GRHL2: variants seen among roughly 807,000 people sequenced by gnomAD.
GRHL2 encodes the protein grainyhead-like protein 2 homolog.
A neutral mutation model predicts 83.8 loss-of-function variants in GRHL2; 21 were observed. That is an observed-to-expected ratio of 0.25 (90% CI 0.18 to 0.36). GRHL2 has a LOEUF of 0.36. Among genes scored for constraint, GRHL2 ranks in the 10% least tolerant of loss-of-function variants. The pLI, the probability that GRHL2 is intolerant of heterozygous loss-of-function variation, is 1.00. For missense variants in GRHL2, 623 were observed against 781.8 expected (o/e 0.80, Z 2.42); for synonymous variants, 280 against 278.9 (o/e 1.00, Z -0.04).
chr8:101,594,298 T>G (rs1586128562), intron 7 of GRHL2, among the ~76,000 whole-genome samples: 2 of 152,120 alleles, frequency 1.3e-5, no homozygotes, highest in Non-Finnish European at 2.9e-5. Context: ...TTATGACAGC[T>G]CAAGGAAATT....
At chr8:101,501,534 G>T (rs1477898168) in intron 1 of GRHL2, among the ~76,000 whole-genome samples, 2 of 152,214 alleles carry the variant, frequency 1.3e-5, no homozygotes, top group African/African-American at 4.8e-5. Flanking sequence ...GGAGCAGGAA[G>T]AAACTGCTTA....
intron 7 of GRHL2, among the ~76,000 whole-genome samples, chr8:101,590,940 T>C (rs147881289): frequency 0.011 from 1,688 of 152,216 alleles, 12 homozygotes; most frequent in Middle Eastern, 0.075. Context: ...TCCAAAAATA[T>C]ATACAAAAAT....
intron 12 of GRHL2, among the ~76,000 whole-genome samples, chr8:101,641,307 C>G (rs1271084810): frequency 6.6e-6 from 1 of 152,036 alleles, no homozygotes; most frequent in African/African-American, 2.4e-5. Flanking sequence ...GACCTGTTTT[C>G]TGAGGATAAC....
downstream of GRHL2, among the ~76,000 whole-genome samples, chr8:101,671,177 AC>A (rs992505921): frequency 6.6e-6 from 1 of 152,166 alleles, no homozygotes; most frequent in African/African-American, 2.4e-5. Context: ...TGGGTGCAGG[AC>A]AGTAGGTGCA....
intron 2 of GRHL2, among the ~76,000 whole-genome samples, chr8:101,547,665 A>G (rs925736792): frequency 6.6e-6 from 1 of 152,250 alleles, no homozygotes; most frequent in East Asian, 1.9e-4. Context: ...ACAATCCTGT[A>G]TGTTTCCTAA....
At chr8:101,648,885 C>A (rs1425260631) in intron 13 of GRHL2, among the ~76,000 whole-genome samples, 1 of 152,194 alleles carries the variant, frequency 6.6e-6, no homozygotes, top group Admixed American at 6.5e-5. Flanking sequence ...CGGCCAGGCC[C>A]CTATAAGCAC....
At position 101,573,802 on chromosome 8, in the gene GRHL2, G is replaced by T. The variant is rs375445375; in HGVS notation, c.869G>T (p.Arg290Leu). Residue 290 changes from arginine (R) to leucine (L), a missense_variant, in exon 6 of 16, where the codon CGA becomes CTA. Transcript: ENST00000646743. ...GAGACCGGAGACAACAAATGCTTCC[G>T]ACACCCCATCAGCAAAGTCAGGGTA... ...LSETGDNKCFRHPISKVRSVV... is the reference protein window; with the variant it reads ...LSETGDNKCFLHPISKVRSVV... 1.9e-6 allele frequency: 3 copies of T among 1,614,122 alleles called. No homozygotes were observed. In the Admixed American group the frequency reaches 5.0e-5, roughly 27 times the overall value.
In GRHL2 at chr8:101,513,500, C is replaced by CTTTTTTTTTTTTTT. The variant is rs112134650; in HGVS notation, c.20+20721_20+20722insTTTTTTTTTTTTTT. ...TATGTGGGTGCAGGCTATCGTTGTG[C>CTTTTTTTTTTTTTT]TTTTTTTTTTGGAGATGGAGTTTTG... On this transcript the variant is annotated intron_variant, in intron 1 of 15. Transcript: ENST00000646743. Among the ~76,000 whole-genome samples, 401 of 100,110 alleles carry CTTTTTTTTTTTTTT rather than the reference C, an allele frequency of 4.0e-3. 54 individuals are homozygous for CTTTTTTTTTTTTTT. The highest frequency in any genetic ancestry group is 4.4e-3 in the African/African-American group (116 of 26,498). The allele number at this position is 100,110 out of a possible 152,430, so 65.7% of individuals were successfully genotyped here. A position where few individuals can be genotyped will look rare whatever the true frequency, so the allele number is the denominator to read the frequency against.
chr8:101,630,561 T>C (rs1813166974), intron 9 of GRHL2, among the ~76,000 whole-genome samples: 1 of 152,224 alleles, frequency 6.6e-6, no homozygotes, highest in African/African-American at 2.4e-5. Flanking sequence ...TTGTATGTGA[T>C]GATTTGGGGA....
chr8:101,585,903 G>GA (rs975277260), intron 7 of GRHL2, among the ~76,000 whole-genome samples: 5 of 152,024 alleles, frequency 3.3e-5, no homozygotes, highest in African/African-American at 4.8e-5. Context: ...AGTATCTCGG[G>GA]AAAATCCCTT....
chr8:101,505,169 A>G (rs1586399398), intron 1 of GRHL2, among the ~76,000 whole-genome samples: 1 of 151,658 alleles, frequency 6.6e-6, no homozygotes, highest in Non-Finnish European at 1.5e-5. Context: ...CTTCTCTCCC[A>G]CTCCCAACTG....
intron 9 of GRHL2, among the ~76,000 whole-genome samples, chr8:101,622,933 G>A (rs1231394164): frequency 6.6e-6 from 1 of 152,180 alleles, no homozygotes; most frequent in African/African-American, 2.4e-5. Context: ...GAGAACATAT[G>A]ATGTTTGATT....
intron 8 of GRHL2, among the ~76,000 whole-genome samples, chr8:101,616,257 A>C (rs1028774775): frequency 6.7e-6 from 1 of 149,792 alleles, no homozygotes; most frequent in Non-Finnish European, 1.5e-5. Context: ...TGCAAACTCC[A>C]CCTCCCAGGT....
At chr8:101,594,708 G>A (rs1265957370) in intron 7 of GRHL2, among the ~76,000 whole-genome samples, 2 of 152,186 alleles carry the variant, frequency 1.3e-5, no homozygotes, top group African/African-American at 2.4e-5. Flanking sequence ...CTAGAGAGGA[G>A]TGCATGACAT....
intron 2 of GRHL2, among the ~76,000 whole-genome samples, chr8:101,551,329 C>A (rs1239405959): frequency 6.6e-6 from 1 of 152,062 alleles, no homozygotes; most frequent in Non-Finnish European, 1.5e-5. Context: ...TATTGTTATG[C>A]CCATTTTTCA....
chr8:101,621,964 G>T (rs1257224833), intron 9 of GRHL2, among the ~76,000 whole-genome samples: 2 of 152,080 alleles, frequency 1.3e-5, no homozygotes, highest in African/African-American at 2.4e-5. Context: ...AAAATACATT[G>T]CTTTAAATAT....
chr8:101,495,068 G>GC (rs1375737003), intron 1 of GRHL2, among the ~76,000 whole-genome samples: 2 of 152,318 alleles, frequency 1.3e-5, no homozygotes, highest in Admixed American at 1.3e-4. Context: ...TTCTAAGGGA[G>GC]CCCCGGCAGG....
At chr8:101,660,288 TATATC>T (rs1813893358) in intron 14 of GRHL2, among the ~76,000 whole-genome samples, 1 of 152,232 alleles carries the variant, frequency 6.6e-6, no homozygotes. Context: ...TTCATATCCA[TATATC>T]ATATCATTAT....
chr8:101,563,872 T>C (rs924762166), intron 4 of GRHL2, among the ~76,000 whole-genome samples: 6 of 152,162 alleles, frequency 3.9e-5, no homozygotes, highest in South Asian at 2.1e-4. Context: ...GTGAGGTACA[T>C]GTTTTTTCAC....
Sources: allele counts gnomAD v4.1 joint callset (sites outside exome capture counted in the v4.1 genomes callset), GRCh38; gene constraint gnomAD v4.1.1; transcripts MANE v1.5; gene names NCBI Gene and HGNC (gene_info 2026-07-23, HGNC 2026-07-21).